Variants in EPHA1 observed in about 807,000 individuals in gnomAD.
EPHA1 encodes the protein EPH receptor A1.
A neutral mutation model predicts 110.1 loss-of-function variants in EPHA1; 92 were observed. That is an observed-to-expected ratio of 0.84 (90% confidence interval 0.71 to 0.99). The LOEUF is 0.99. EPHA1 is among the 50% of genes least tolerant of loss of function. The probability of loss-of-function intolerance (pLI) is 0.00; values close to 1 mark genes in which losing one functional copy is unlikely to be tolerated. For missense variants in EPHA1, 1,204 were observed against 1,285.4 expected (o/e 0.94, Z 0.97); for synonymous variants, 500 against 516.1 (o/e 0.97, Z 0.42).
chr7:143,393,865 C>A lies in EPHA1; in HGVS notation c.2503-1G>T. The A allele has an allele frequency of 1.9e-6, 3 of 1,546,406 alleles. No individual in the cohort carries two copies. The highest frequency in any genetic ancestry group is 2.5e-5 in the South Asian group (2 of 80,220). ...ACCCATCCTCAATGCTCTTCATAAC[C>A]TGCACGGCGGGACAGGAGGATGCTC... On this transcript the variant is annotated splice_acceptor_variant, in intron 15 of 17. Coordinates refer to ENST00000275815, the MANE Select transcript of EPHA1 (RefSeq NM_005232.5). LOFTEE classifies it high-confidence loss of function. The surrounding 1 kb of genome is among the most constrained non-coding windows in gnomAD (Gnocchi z 5.6).
Position 143,395,589 on chromosome 7 carries a change from C to G in EPHA1, c.1898-85G>C. ...GCAGCAACCCCTCCAGTCCTCCGGC[C>G]CTTTTCTTTTCTGGAGAATCAGAAG... On this transcript the variant is annotated intron_variant, in intron 11 of 17. Transcript: ENST00000275815. The surrounding 1 kb of genome is among the most constrained non-coding windows in gnomAD (Gnocchi z 4.7). The G allele has an allele frequency of 7.1e-7, 1 of 1,414,502 alleles. No individual in the cohort carries two copies. The highest frequency in any genetic ancestry group is 9.6e-7 in the Non-Finnish European group (1 of 1,038,798). The allele number at this position is 1,414,502 out of a possible 1,614,324, so 87.6% of individuals were successfully genotyped here.
rs1457163663 is a variant in EPHA1, at chr7:143,393,112, C to T, written c.2696+559G>A. Among the ~76,000 whole-genome samples the T allele has an allele frequency of 6.6e-6, 1 of 152,128 alleles. No homozygotes were observed. The highest frequency in any genetic ancestry group is 1.5e-5 in the Non-Finnish European group (1 of 68,034). ...TGCAACCTACCAGCCCTCAGCTCCC[C>T]ACAGACTAGCCATGTGATCCAGAAG... On this transcript the variant is annotated intron_variant, in intron 16 of 17. Transcript: ENST00000275815. The surrounding 1 kb of genome is among the most constrained non-coding windows in gnomAD (Gnocchi z 5.6).
chr7:143,394,127 G>C (rs1805170788), intron 15 of EPHA1, 67 bp downstream of exon 15: 2 of 1,543,398 alleles, frequency 1.3e-6, no homozygotes, highest in Non-Finnish European at 1.8e-6. Context: ...AAGGCCATGG[G>C]AGGACCTTGG....
At position 143,395,094 on chromosome 7, in the gene EPHA1, C is replaced by A; in HGVS notation, c.2145+27G>T. On this transcript the variant is annotated intron_variant, in intron 13 of 17. Transcript: ENST00000275815. This position sits in a 1 kb window ranked among gnomAD's most constrained non-coding sequence, Gnocchi z 4.7. Reference sequence around the variant, plus strand: ...CCAGGGTACCATGGTGCATCCCCCTCCCCAGCTAGTCCTCTGCCCTCCTCA... The same window carrying A: ...CCAGGGTACCATGGTGCATCCCCCTACCCAGCTAGTCCTCTGCCCTCCTCA... 1 of 1,614,052 alleles carries A rather than the reference C, an allele frequency of 6.2e-7. No homozygotes were observed. The highest frequency in any genetic ancestry group is 8.5e-7 in the Non-Finnish European group (1 of 1,179,998).
In EPHA1 at chr7:143,395,059, C is replaced by G; in HGVS notation, c.2146-45G>C. The stretch of plus-strand genomic sequence containing the variant: ...TGAGTCAGGGGATGGGCCAGGTCTC[C>G]TCCCAGTGCCCAGGGTACCATGGTG... On this transcript the variant is annotated intron_variant, in intron 13 of 17. Coordinates refer to ENST00000275815, the MANE Select transcript of EPHA1 (RefSeq NM_005232.5). This position sits in a 1 kb window ranked among gnomAD's most constrained non-coding sequence, Gnocchi z 4.7. 1 of 1,613,764 alleles carries G rather than the reference C, an allele frequency of 6.2e-7. No individual in the cohort carries two copies. Among genetic ancestry groups the G allele is most frequent in the African/African-American group, 1.3e-5 (1 of 75,040 alleles).
At position 143,397,376 on chromosome 7, in the gene EPHA1, G is replaced by A. The variant is rs572481807; in HGVS notation, c.1713-14C>T. 1 of 1,549,450 alleles carries A rather than the reference G, an allele frequency of 6.5e-7. No individual in the cohort carries two copies. The highest frequency in any genetic ancestry group is 8.7e-7 in the Non-Finnish European group (1 of 1,146,580). On this transcript the variant is annotated splice_polypyrimidine_tract_variant and intron_variant, in intron 9 of 17. Coordinates refer to ENST00000275815, the MANE Select transcript of EPHA1 (RefSeq NM_005232.5). ...CGCTGGGCTCTCCTGTGGGGGTTGG[G>A]GACCAGCTCCTTCAGGGCCCCAGGA...
intron 1 of EPHA1, among the ~76,000 whole-genome samples, chr7:143,408,266 TG>T (rs1435326664): frequency 6.6e-6 from 1 of 152,092 alleles, no homozygotes; most frequent in Non-Finnish European, 1.5e-5. Context: ...CTCGGACAAC[TG>T]GGAACCCCTG....
intron 5 of EPHA1, 130 bp downstream of exon 5, chr7:143,399,128 G>C: frequency 7.6e-7 from 1 of 1,315,552 alleles, no homozygotes; most frequent in Non-Finnish European, 1.1e-6. Context: ...CAGGGCAGGG[G>C]CTAAAAGTGC....
rs369122539 is a variant in EPHA1 at position 143,394,999 on chromosome 7, G to A, written c.2161C>T (p.Leu721=). 5.3e-5 allele frequency: 85 copies of A among 1,613,970 alleles called. No homozygotes were observed. The highest frequency in any genetic ancestry group is 6.9e-5 in the Non-Finnish European group (81 of 1,180,042). Reference sequence around the variant, plus strand: ...ATGGCCACTAGCTGCCCAGGGACCAGCTGGTCCTCCCGCTCCTGCAGCAGG... The same window carrying A: ...ATGGCCACTAGCTGCCCAGGGACCAACTGGTCCTCCCGCTCCTGCAGCAGG... The part of the protein sequence containing the change: ...DAFLREREDQ[L]VPGQLVAMLQ... Residue 721 remains leucine, a synonymous_variant, in exon 14 of 18, where the codon CTG becomes TTG. Coordinates refer to ENST00000275815, the MANE Select transcript of EPHA1 (RefSeq NM_005232.5).
chr7:143,391,598 C>G (rs369374488), intron 17 of EPHA1, 22 bp downstream of exon 17: 2 of 1,614,144 alleles, frequency 1.2e-6, no homozygotes, highest in Admixed American at 1.7e-5. Flanking sequence ...CCTCCCCTGC[C>G]CAGACAGCTC....
At chr7:143,402,248 A>C (rs929948655) in intron 2 of EPHA1, among the ~76,000 whole-genome samples, 35 of 152,280 alleles carry the variant, frequency 2.3e-4, no homozygotes, top group African/African-American at 8.2e-4. Context: ...AACCCTTTAG[A>C]TTTGGAGGGT....
Position 143,398,767 on chromosome 7 carries a change from C to G in EPHA1, c.1170G>C (p.Val390=). The G allele has an allele frequency of 6.2e-7, 1 of 1,613,902 alleles. No homozygotes were observed. Among genetic ancestry groups the G allele is most frequent in the Non-Finnish European group, 8.5e-7 (1 of 1,179,976 alleles). The change falls in exon 6 of 18, where the codon GTG becomes GTC. Residue 390 remains valine, a synonymous_variant. Coordinates refer to ENST00000275815, the MANE Select transcript of EPHA1 (RefSeq NM_005232.5). ...GGPCQPCGVG[V]HFSPGARGLT... The stretch of plus-strand genomic sequence containing the variant: ...GCCCCCGGGCCCCCGGCGAGAAGTG[C>G]ACGCCCACCCCACAGGGCTGGCAGG...
rs1805511563 is a variant in EPHA1 at position 143,405,124 on chromosome 7, A to T, written c.150+2487T>A. ...AAAGGCAAGGAAGCTGGAATGAAAA[A>T]GGCACCAGGAGGCTTCTCCTAAGGA... On this transcript the variant is annotated intron_variant, in intron 2 of 17. Coordinates refer to ENST00000275815, the MANE Select transcript of EPHA1 (RefSeq NM_005232.5). 2.0e-5 allele frequency among the ~76,000 whole-genome samples: 3 copies of T among 152,090 alleles called. No individual in the cohort carries two copies. In the South Asian group the frequency reaches 6.2e-4, roughly 32 times the overall value.
intron 5 of EPHA1, 117 bp downstream of exon 5, chr7:143,399,141 G>A: frequency 1.4e-6 from 2 of 1,391,582 alleles, no homozygotes; most frequent in Non-Finnish European, 2.0e-6. Context: ...AAAAGTGCCT[G>A]ACACCCTGGA....
At position 143,401,318 on chromosome 7, in the gene EPHA1, C is replaced by A. The variant is rs1214321310; in HGVS notation, c.432+6G>T. 2 of 1,612,684 alleles carry A rather than the reference C, an allele frequency of 1.2e-6. No individual in the cohort carries two copies. Among genetic ancestry groups the A allele is most frequent in the Non-Finnish European group, 8.5e-7 (1 of 1,179,516 alleles). On this transcript the variant is annotated splice_donor_region_variant and intron_variant, in intron 3 of 17. Transcript: ENST00000275815. The surrounding 1 kb of genome is among the most constrained non-coding windows in gnomAD (Gnocchi z 4.1). ...AGGACCCAGATGGCATGGAGGGAAG[C>A]AGCACCTTCTGGAACAAGGGCCGTC...
Position 143,406,015 on chromosome 7 carries a change from G to C in EPHA1, c.150+1596C>G, listed in dbSNP as rs1313155106. Among the ~76,000 whole-genome samples the C allele has an allele frequency of 4.6e-5, 7 of 152,214 alleles. No individual in the cohort carries two copies. The South Asian group carries it at 6.2e-4, about 14-fold the overall frequency. ...TGACCAGCTGTGCTGCTGGCAGAAAGGGTGCTGTGAATTGTAAAATATATA... is the reference window on the plus strand; with the variant it reads ...TGACCAGCTGTGCTGCTGGCAGAAACGGTGCTGTGAATTGTAAAATATATA... On this transcript the variant is annotated intron_variant, in intron 2 of 17. Coordinates refer to ENST00000275815, the MANE Select transcript of EPHA1 (RefSeq NM_005232.5).
rs35949877 is a variant in EPHA1, at chr7:143,402,094, C to CTT, written c.151-491_151-490dup. Reference sequence around the variant, plus strand: ...CAACACACTGGGCTATTTTTTCTTTCTTTTTTTTTTTTTTGGTAGAGATGA... The same window carrying CTT: ...CAACACACTGGGCTATTTTTTCTTTCTTTTTTTTTTTTTTTTGGTAGAGATGA... On this transcript the variant is annotated intron_variant, in intron 2 of 17. Transcript: ENST00000275815. Among the ~76,000 whole-genome samples the CTT allele has an allele frequency of 2.5e-3, 351 of 143,216 alleles. 1 individual carries two copies. The highest frequency in any genetic ancestry group is 0.011 in the South Asian group (51 of 4,530). 94.0% of individuals were successfully genotyped at this position (143,216 alleles called of 152,430 possible).
intron 16 of EPHA1, 67 bp from the exon 17 acceptor site, chr7:143,391,842 GC>G: frequency 6.3e-7 from 1 of 1,580,678 alleles, no homozygotes; most frequent in Middle Eastern, 1.7e-4. Flanking sequence ...TGGCCTCTGA[GC>G]ATCAGCAGCC....
Position 143,396,293 on chromosome 7 carries a change from G to A in EPHA1, c.1897+92C>T, listed in dbSNP as rs77224972. On this transcript the variant is annotated intron_variant, in intron 11 of 17. Coordinates refer to ENST00000275815, the MANE Select transcript of EPHA1 (RefSeq NM_005232.5). ...TTGGACCAGAGAAGCCAGCTGGGCT[G>A]CCCAGGGAAGCGCTGGAAGGAAGGG... is the stretch of plus-strand genomic sequence containing the variant. The A allele has an allele frequency of 1.6e-3, 2,334 of 1,498,266 alleles. 43 individuals carry two copies. The East Asian group carries it at 0.042, about 27-fold the overall frequency. The allele number at this position is 1,498,266 out of a possible 1,614,324, so 92.8% of individuals were successfully genotyped here.
Sources: gnomAD v4.1 joint callset for allele counts (sites outside exome capture counted in the v4.1 genomes callset) on GRCh38, gnomAD v4.1.1 for gene constraint, Gnocchi (gnomAD v3.1) non-coding constraint, MANE v1.5 for transcripts, NCBI Gene and HGNC (gene_info 2026-07-23, HGNC 2026-07-21) for gene names.